NARS2: variants seen among roughly 807,000 people sequenced by gnomAD.
NARS2 encodes the protein asparaginyl-tRNA synthetase.
Under a neutral mutation model 62.9 loss-of-function variants are expected in NARS2, and 60 were observed. That is an observed-to-expected ratio of 0.95 (90% CI 0.77 to 1.18). The LOEUF is 1.18. Among genes scored for constraint, NARS2 ranks in the 50% most tolerant of loss-of-function variants. NARS2 has a pLI of 0.00. For synonymous variants in NARS2, 196 were observed against 200.0 expected (o/e 0.98, Z 0.17); for missense variants, 619 against 576.4 (o/e 1.07, Z -0.76).
At chr11:78,500,330 T>C (rs946579620) in intron 6 of NARS2, among the ~76,000 whole-genome samples, 12 of 152,224 alleles carry the variant, frequency 7.9e-5, no homozygotes, top group Admixed American at 2.0e-4. Flanking sequence ...ATAAATGTCA[T>C]GGAGGTTATT....
chr11:78,563,845 AAAAAAAATATAT>A (rs1856640468), intron 4 of NARS2, among the ~76,000 whole-genome samples: 1 of 65,614 alleles, frequency 1.5e-5, no homozygotes, highest in Non-Finnish European at 2.9e-5. Flanking sequence ...AAAAAAAAAA[AAAAAAAATATAT>A]ATATATATAT....
At chr11:78,564,793 GA>G (rs1240920175) in intron 4 of NARS2, among the ~76,000 whole-genome samples, 1 of 152,180 alleles carries the variant, frequency 6.6e-6, no homozygotes, top group African/African-American at 2.4e-5. Flanking sequence ...ACTATAATGG[GA>G]TAACATTATA....
At chr11:78,483,034 A>G (rs1358774216) in intron 7 of NARS2, among the ~76,000 whole-genome samples, 3 of 152,196 alleles carry the variant, frequency 2.0e-5, no homozygotes, top group Non-Finnish European at 4.4e-5. Context: ...CAAAAAGCTT[A>G]TCCACCACGA....
chr11:78,544,930 A>C (rs918658885), intron 5 of NARS2, among the ~76,000 whole-genome samples: 3 of 152,058 alleles, frequency 2.0e-5, no homozygotes, highest in Non-Finnish European at 2.9e-5. Flanking sequence ...CAGTGAGGTG[A>C]GATCGCGCCA....
intron 2 of NARS2, 64 bp downstream of exon 2, chr11:78,571,271 G>A (rs1225083530): frequency 1.0e-6 from 1 of 962,806 alleles, no homozygotes; most frequent in Non-Finnish European, 1.7e-6. Flanking sequence ...CTGGAGTAGG[G>A]AAGTGAGAAG....
At chr11:78,535,454 T>C (rs1203118021) in intron 5 of NARS2, among the ~76,000 whole-genome samples, 1 of 152,222 alleles carries the variant, frequency 6.6e-6, no homozygotes, top group Non-Finnish European at 1.5e-5. Flanking sequence ...TTATAAAAAA[T>C]ATTTCTGAAC....
intron 1 of NARS2, 69 bp from the exon 2 acceptor site, chr11:78,571,513 G>A (rs1856922444): frequency 1.9e-6 from 2 of 1,062,540 alleles, no homozygotes; most frequent in Non-Finnish European, 2.8e-6. Context: ...TACACACACA[G>A]ACTAAATGAA....
At chr11:78,529,950 G>C (rs1590819227) in intron 5 of NARS2, among the ~76,000 whole-genome samples, 1 of 152,182 alleles carries the variant, frequency 6.6e-6, no homozygotes, top group Non-Finnish European at 1.5e-5. Flanking sequence ...AACAGGCTTA[G>C]TACCAAATAT....
chr11:78,486,120 C>T (rs999189864), intron 7 of NARS2, among the ~76,000 whole-genome samples: 1 of 152,114 alleles, frequency 6.6e-6, no homozygotes, highest in African/African-American at 2.4e-5. Context: ...GGTGATCTGC[C>T]CGCCTCGGCC....
chr11:78,447,120 A>C (rs1857790189), intron 11 of NARS2, among the ~76,000 whole-genome samples: 1 of 152,040 alleles, frequency 6.6e-6, no homozygotes, highest in African/African-American at 2.4e-5. Flanking sequence ...ATTATTAAGA[A>C]AATGAAAAAT....
At chr11:78,488,983 T>A (rs1288563826) in intron 7 of NARS2, among the ~76,000 whole-genome samples, 1 of 151,970 alleles carries the variant, frequency 6.6e-6, no homozygotes, top group Admixed American at 6.6e-5. Flanking sequence ...AAAAATTAAC[T>A]CAAAATGGAT....
chr11:78,565,068 G>A (rs985386232), intron 4 of NARS2, among the ~76,000 whole-genome samples: 3 of 152,212 alleles, frequency 2.0e-5, no homozygotes, highest in African/African-American at 7.2e-5. Context: ...AACTTTATCT[G>A]CTGGATCACT....
chr11:78,445,049 A>G (rs938825662), intron 11 of NARS2, among the ~76,000 whole-genome samples: 2 of 152,176 alleles, frequency 1.3e-5, no homozygotes, highest in Non-Finnish European at 2.9e-5. Context: ...AGACTATTAG[A>G]TAAGTTTTAG....
intron 6 of NARS2, among the ~76,000 whole-genome samples, chr11:78,522,644 A>C (rs1861172450): frequency 6.6e-6 from 1 of 152,214 alleles, no homozygotes; most frequent in South Asian, 2.1e-4. Flanking sequence ...AGAATTCATT[A>C]ATTTGATCAT....
intron 5 of NARS2, among the ~76,000 whole-genome samples, chr11:78,539,417 TG>T (rs1855524144): frequency 6.6e-6 from 1 of 152,138 alleles, no homozygotes; most frequent in Non-Finnish European, 1.5e-5. Flanking sequence ...AATGAGTAGA[TG>T]GTAACTTTCA....
chr11:78,496,169 T>C (rs915862469), intron 6 of NARS2, among the ~76,000 whole-genome samples: 16 of 152,234 alleles, frequency 1.1e-4, no homozygotes, highest in African/African-American at 2.4e-4. Flanking sequence ...TGTTGAAAAA[T>C]TGCGTAAGAA....
At chr11:78,489,012 A>C (rs1428650633) in intron 7 of NARS2, among the ~76,000 whole-genome samples, 1 of 152,222 alleles carries the variant, frequency 6.6e-6, no homozygotes, top group African/African-American at 2.4e-5. Flanking sequence ...TACATGAAAA[A>C]TGTAAAGCTA....
chr11:78,437,836 G>A (rs572194990), intron 13 of NARS2, among the ~76,000 whole-genome samples: 1 of 151,828 alleles, frequency 6.6e-6, no homozygotes, highest in Non-Finnish European at 1.5e-5. Flanking sequence ...TTAGCCAGGC[G>A]TAGTGGCGCC....
At chr11:78,494,972 T>A (rs1323025283) in intron 6 of NARS2, among the ~76,000 whole-genome samples, 1 of 152,188 alleles carries the variant, frequency 6.6e-6, no homozygotes, top group Admixed American at 6.5e-5. Context: ...TGTTTACACC[T>A]TGGAAAACTC....
Sources: allele counts gnomAD v4.1 joint callset (sites outside exome capture counted in the v4.1 genomes callset), GRCh38; gene constraint gnomAD v4.1.1; transcripts MANE v1.5; gene names NCBI Gene and HGNC (gene_info 2026-07-23, HGNC 2026-07-21).